The following SELP variants were observed in gnomAD, a reference collection of about 807,000 sequenced individuals.
The protein encoded by SELP is P-selectin.
SELP carries 92 observed loss-of-function variants against 104.1 expected under a neutral mutation model. The ratio of observed to expected loss-of-function variants is 0.88; its 90% CI spans 0.75 to 1.05. The LOEUF (loss-of-function observed/expected upper bound fraction) is 1.05, where lower values mean the gene tolerates loss of function less well. Among genes scored for constraint, SELP ranks in the 50% least tolerant of loss-of-function variants. The pLI, the probability that SELP is intolerant of heterozygous loss-of-function variation, is 0.00. For synonymous variants in SELP, 397 were observed against 364.5 expected, an observed-to-expected ratio of 1.09 and a Z score of -1.01; for missense variants, 1,022 against 1,017.3, an observed-to-expected ratio of 1.00 and a Z score of -0.06.
At chr1:169,617,661 G>A (rs931824171) in intron 2 of SELP, among the ~76,000 whole-genome samples, 4 of 152,078 alleles carry the variant, frequency 2.6e-5, no homozygotes, top group African/African-American at 9.7e-5. Flanking sequence ...TTAAAGGTTT[G>A]GAATCATAAG....
At chr1:169,596,229 T>G (rs985029949) in intron 11 of SELP, 95 bp from the exon 12 acceptor site, 4 of 1,127,554 alleles carry the variant, frequency 3.5e-6, no homozygotes, top group Non-Finnish European at 5.2e-6. Context: ...TTTCACTCCC[T>G]TCATAACAAG....
chr1:169,597,947 A>ACTT (rs778854400), intron 10 of SELP, among the ~76,000 whole-genome samples: 3 of 152,122 alleles, frequency 2.0e-5, no homozygotes, highest in Non-Finnish European at 4.4e-5. Context: ...GAATTCTTCA[A>ACTT]CTTTTTGTCT....
chr1:169,610,356 T>C (rs527402277), intron 7 of SELP, among the ~76,000 whole-genome samples: 2 of 152,244 alleles, frequency 1.3e-5, no homozygotes, highest in South Asian at 4.1e-4. Flanking sequence ...CTGAGTGACC[T>C]CAGTTCTGAT....
chr1:169,623,035 A>C (rs1663212628), intron 1 of SELP, among the ~76,000 whole-genome samples: 1 of 152,240 alleles, frequency 6.6e-6, no homozygotes, highest in African/African-American at 2.4e-5. Context: ...GGGATAAAAA[A>C]TTGTAGCTTT....
chr1:169,619,083 T>TA, intron 2 of SELP, 46 bp downstream of exon 2: 2 of 1,446,900 alleles, frequency 1.4e-6, no homozygotes, highest in South Asian at 2.3e-5. Context: ...ATCTGGGCTC[T>TA]ACCCTAATTA....
At chr1:169,619,357 C>T (rs1662980177) in intron 1 of SELP, 138 bp from the exon 2 acceptor site, 2 of 637,632 alleles carry the variant, frequency 3.1e-6, no homozygotes, top group African/African-American at 1.8e-5. Flanking sequence ...CCCTCTGCTT[C>T]CTTCTTGCTT....
chr1:169,596,193 G>A (rs375420573), intron 11 of SELP, 59 bp from the exon 12 acceptor site: 3 of 1,483,242 alleles, frequency 2.0e-6, no homozygotes. Flanking sequence ...CGTTAACAGA[G>A]TTAAGGCTAA....
intron 1 of SELP, 87 bp downstream of exon 1, chr1:169,629,985 A>G: frequency 4.5e-6 from 7 of 1,549,898 alleles, no homozygotes; most frequent in Non-Finnish European, 6.2e-6. Context: ...GCTGTTCCTC[A>G]CTTTCTGAAC....
chr1:169,613,055 G>C lies in SELP; in HGVS notation c.649C>G (p.Leu217Val). The part of the protein sequence containing the change: ...QHVLMNCSHP[L>V]GNFSFNSQCS... ...TGCGAGTTAAAAGAGAAGTTTCCCA[G>C]AGGGTGGCTGCAGTTCATGAGCACG... Residue 217 changes from leucine (L) to valine (V), a missense_variant, in exon 5 of 17, where the codon CTG becomes GTG. Physicochemically the swap from Leu to Val is conservative, Grantham distance 32 (BLOSUM62 1). Transcript: ENST00000263686. The C allele has an allele frequency of 3.1e-6, 5 of 1,613,794 alleles. No homozygotes were observed. The highest frequency in any genetic ancestry group is 1.1e-5 in the South Asian group (1 of 91,060).
rs145714766 is a variant in SELP at position 169,609,673 on chromosome 1, C to T, written c.1164G>A (p.Pro388=). The T allele has an allele frequency of 1.3e-4, 213 of 1,611,288 alleles. No homozygotes were observed. The highest frequency in any genetic ancestry group is 3.7e-4 in the African/African-American group (28 of 74,850). ...LPTCEAISCE[P]LESPVHGSMD... ...TGCTTCCGTGGACAGGACTCTCCAG[C>T]GGCTCACACGAAATAGCTAAGTGGA... is the stretch of plus-strand genomic sequence containing the variant. The change falls in exon 8 of 17, where the codon CCG becomes CCA. Residue 388 remains proline (P), a synonymous_variant. Transcript: ENST00000263686.
At chr1:169,592,895 A>G (rs1661417390) in intron 14 of SELP, among the ~76,000 whole-genome samples, 1 of 152,094 alleles carries the variant, frequency 6.6e-6, no homozygotes, top group Admixed American at 6.5e-5. Context: ...CCATCTTCTC[A>G]TTGATTTTAC....
At chr1:169,623,089 T>G (rs1360191351) in intron 1 of SELP, among the ~76,000 whole-genome samples, 1 of 152,190 alleles carries the variant, frequency 6.6e-6, no homozygotes, top group Non-Finnish European at 1.5e-5. Flanking sequence ...TCCAGGATAT[T>G]TTTGGAGGTA....
chr1:169,594,765 C>A lies in SELP; in HGVS notation c.2214G>T (p.Gln738His). 2 of 1,613,886 alleles carry A rather than the reference C, an allele frequency of 1.2e-6. No individual in the cohort carries two copies. Among genetic ancestry groups the A allele is most frequent in the Non-Finnish European group, 1.7e-6 (2 of 1,179,830 alleles). ...SICSFHCLEG[Q>H]LLNGSAQTAC... ...CTGTTTGTGCAGAGCCATTAAGTAA[C>A]TGGCCCTCTAGACAATGGAAAGAGC... is the stretch of plus-strand genomic sequence containing the variant. The change falls in exon 13 of 17, where the codon CAG becomes CAT. Residue 738 changes from glutamine (Q) to histidine (H), a missense_variant. By Grantham distance (24) the Gln-to-His change is conservative. Transcript: ENST00000263686.
At chr1:169,595,021 A>G in intron 12 of SELP, 144 bp from the exon 13 acceptor site, 1 of 653,086 alleles carries the variant, frequency 1.5e-6, no homozygotes, top group Non-Finnish European at 2.6e-6. Flanking sequence ...CAATATTCAC[A>G]GTAGCTCTTC....
In SELP at chr1:169,625,454, A is replaced by G. The variant is rs6660207; in HGVS notation, c.3+4618T>C. On this transcript the variant is annotated intron_variant, in intron 1 of 16. Transcript: ENST00000263686. ...ACCTCCTTATGGTCATCTGTTTCCA[A>G]TGTCCTCTAATCAGCATCTCCGTTT... Among the ~76,000 whole-genome samples, 238 of 152,254 alleles carry G rather than the reference A, an allele frequency of 1.6e-3. 3 individuals carry two copies. The highest frequency in any genetic ancestry group is 5.1e-3 in the African/African-American group (211 of 41,538).
At chr1:169,609,300 C>T (rs1436427571) in intron 8 of SELP, among the ~76,000 whole-genome samples, 3 of 152,148 alleles carry the variant, frequency 2.0e-5, no homozygotes, top group Non-Finnish European at 4.4e-5. Flanking sequence ...CAAACCTCAC[C>T]TTGACTATAC....
chr1:169,591,212 T>C (rs1452302820), intron 15 of SELP, among the ~76,000 whole-genome samples: 1 of 152,212 alleles, frequency 6.6e-6, no homozygotes, highest in Non-Finnish European at 1.5e-5. Flanking sequence ...TGCATCTTGT[T>C]TTTATTATAA....
chr1:169,626,962 T>C (rs1663400612), intron 1 of SELP, among the ~76,000 whole-genome samples: 1 of 151,952 alleles, frequency 6.6e-6, no homozygotes, highest in Admixed American at 6.6e-5. Flanking sequence ...GCTGATATTA[T>C]AGGGGTGAGA....
At chr1:169,626,442 A>G (rs1293575883) in intron 1 of SELP, among the ~76,000 whole-genome samples, 2 of 152,190 alleles carry the variant, frequency 1.3e-5, no homozygotes, top group Non-Finnish European at 2.9e-5. Context: ...TTAGCTGGGC[A>G]TGGTGGCGCA....
Sources: gnomAD v4.1 joint callset for allele counts (sites outside exome capture counted in the v4.1 genomes callset) on GRCh38, gnomAD v4.1.1 for gene constraint, MANE v1.5 for transcripts, NCBI Gene and HGNC (gene_info 2026-07-23, HGNC 2026-07-21) for gene names.